Variants in IQCJ observed in about 807,000 individuals in gnomAD.
The protein encoded by IQCJ is IQ domain-containing protein J.
In IQCJ, 9 loss-of-function variants were observed where a neutral mutation model predicts 11.0. The observed-to-expected ratio is 0.82, with a 90% CI of 0.49 to 1.43. IQCJ has a LOEUF of 1.43. Ranked by LOEUF, IQCJ falls within the 40% of genes most tolerant of loss-of-function variation. The pLI is 0.00. For synonymous variants in IQCJ, 55 were observed against 51.3 expected, an observed-to-expected ratio of 1.07 and a Z score of -0.31; for missense variants, 146 against 133.2, an observed-to-expected ratio of 1.10 and a Z score of -0.47.
At chr3:159,256,902 T>C (rs953841602) in intron 3 of IQCJ, among the ~76,000 whole-genome samples, 5 of 152,170 alleles carry the variant, frequency 3.3e-5, no homozygotes, top group African/African-American at 1.2e-4. Flanking sequence ...GGCTAAGTAA[T>C]TTACATACAT....
chr3:159,179,349 A>G (rs1010602234), intron 1 of IQCJ, among the ~76,000 whole-genome samples: 5 of 152,120 alleles, frequency 3.3e-5, no homozygotes, highest in African/African-American at 4.8e-5. Flanking sequence ...TCACCTCTGC[A>G]TCTACTTACA....
intron 1 of IQCJ, among the ~76,000 whole-genome samples, chr3:159,230,600 G>A (rs1726190552): frequency 6.6e-6 from 1 of 152,126 alleles, no homozygotes. Flanking sequence ...ATCTCACACA[G>A]AAAGAAGGCA....
rs551385524 is a variant in IQCJ, at chr3:159,172,670, T to C, written c.10-73173T>C. On this transcript the variant is annotated intron_variant, in intron 1 of 3. Coordinates refer to ENST00000397832, the MANE Select transcript of IQCJ (RefSeq NM_001042706.3). ...GTGACAGCACATGCCCTCTCTACTA[T>C]GGCTCCTGCTCAGATATTTTCTGAG... Among the ~76,000 whole-genome samples, 6 of 151,038 alleles carry C rather than the reference T, an allele frequency of 4.0e-5. No individual in the cohort carries two copies. The South Asian group carries it at 1.2e-3, about 31-fold the overall frequency.
chr3:159,093,283 C>T (rs1032629372), intron 1 of IQCJ, among the ~76,000 whole-genome samples: 1 of 151,768 alleles, frequency 6.6e-6, no homozygotes, highest in African/African-American at 2.4e-5. Context: ...TCCAGCCAGC[C>T]TTTGCCTGAA....
chr3:159,187,267 C>T (rs1723425906), intron 1 of IQCJ, among the ~76,000 whole-genome samples: 3 of 152,180 alleles, frequency 2.0e-5, no homozygotes, highest in Admixed American at 2.0e-4. Context: ...GCTTTTTATT[C>T]TTGGCTGAAA....
At chr3:159,076,922 A>T (rs1715960605) in intron 1 of IQCJ, among the ~76,000 whole-genome samples, 1 of 152,088 alleles carries the variant, frequency 6.6e-6, no homozygotes, top group Non-Finnish European at 1.5e-5. Flanking sequence ...CCTTTTTAAT[A>T]GGGTGGTTGG....
intron 1 of IQCJ, among the ~76,000 whole-genome samples, chr3:159,088,032 T>C (rs1716928358): frequency 1.3e-5 from 2 of 152,148 alleles, no homozygotes; most frequent in Non-Finnish European, 2.9e-5. Context: ...TTTAGATCTT[T>C]CCTGCTTTCT....
intron 1 of IQCJ, among the ~76,000 whole-genome samples, chr3:159,188,246 A>G (rs1054505638): frequency 6.6e-6 from 1 of 152,126 alleles, no homozygotes; most frequent in Non-Finnish European, 1.5e-5. Context: ...CCTTGTCTCT[A>G]TTAAAAATAC....
chr3:159,193,755 A>G (rs1465139316), intron 1 of IQCJ, among the ~76,000 whole-genome samples: 3 of 152,238 alleles, frequency 2.0e-5, no homozygotes, highest in Admixed American at 2.0e-4. Flanking sequence ...CTCAAGGGAT[A>G]GTGCCATATG....
At chr3:159,164,331 C>T (rs558194314) in intron 1 of IQCJ, among the ~76,000 whole-genome samples, 1 of 152,300 alleles carries the variant, frequency 6.6e-6, no homozygotes, top group South Asian at 2.1e-4. Flanking sequence ...CAGATGTTCA[C>T]AAAGTAGGGA....
At chr3:159,226,628 T>C (rs1725869487) in intron 1 of IQCJ, among the ~76,000 whole-genome samples, 1 of 152,216 alleles carries the variant, frequency 6.6e-6, no homozygotes, top group Non-Finnish European at 1.5e-5. Context: ...ATCTTACTTT[T>C]AAATAAAGAG....
At chr3:159,132,927 T>G (rs549659202) in intron 1 of IQCJ, among the ~76,000 whole-genome samples, 13 of 123,056 alleles carry the variant, frequency 1.1e-4, no homozygotes, top group South Asian at 6.3e-4. Flanking sequence ...TTGCTTGCTT[T>G]CTTTCTTTGC....
At chr3:159,138,402 T>C (rs1158241663) in intron 1 of IQCJ, among the ~76,000 whole-genome samples, 2 of 152,192 alleles carry the variant, frequency 1.3e-5, no homozygotes, top group Non-Finnish European at 2.9e-5. Context: ...AAAAAACCCA[T>C]AAAATTTTGA....
chr3:159,087,051 G>A (rs1029700166), intron 1 of IQCJ, among the ~76,000 whole-genome samples: 2 of 152,262 alleles, frequency 1.3e-5, no homozygotes, highest in African/African-American at 4.8e-5. Context: ...ATTGGCTGTG[G>A]GTTTGTGATA....
intron 1 of IQCJ, among the ~76,000 whole-genome samples, chr3:159,147,692 G>A (rs755356253): frequency 5.3e-5 from 8 of 152,156 alleles, no homozygotes; most frequent in Non-Finnish European, 1.2e-4. Context: ...TACTGTTACC[G>A]AACTTTTTTA....
At chr3:159,237,833 G>A (rs926426760) in intron 1 of IQCJ, among the ~76,000 whole-genome samples, 1 of 152,146 alleles carries the variant, frequency 6.6e-6, no homozygotes, top group Non-Finnish European at 1.5e-5. Context: ...TGTTCTTCTG[G>A]TAAATAATAT....
intron 1 of IQCJ, among the ~76,000 whole-genome samples, chr3:159,195,002 C>G (rs1723902050): frequency 6.6e-6 from 1 of 151,868 alleles, no homozygotes; most frequent in South Asian, 2.1e-4. Context: ...TCCCAGCTAC[C>G]CAGAAGGCTG....
intron 1 of IQCJ, among the ~76,000 whole-genome samples, chr3:159,198,862 TAG>T (rs1449378091): frequency 6.6e-6 from 1 of 152,206 alleles, no homozygotes; most frequent in Non-Finnish European, 1.5e-5. Flanking sequence ...CATTGAACAA[TAG>T]AGTCTTGGAA....
At chr3:159,133,080 T>C (rs1239752381) in intron 1 of IQCJ, among the ~76,000 whole-genome samples, 2 of 152,180 alleles carry the variant, frequency 1.3e-5, no homozygotes, top group Non-Finnish European at 2.9e-5. Context: ...AGACATTTGC[T>C]TGTGTGAAAA....
Sources: allele counts gnomAD v4.1 joint callset (sites outside exome capture counted in the v4.1 genomes callset), GRCh38; gene constraint gnomAD v4.1.1; transcripts MANE v1.5; gene names NCBI Gene and HGNC (gene_info 2026-07-23, HGNC 2026-07-21).